The following MBNL1 variants were observed in gnomAD, a reference collection of about 807,000 sequenced individuals.
The protein encoded by MBNL1 is muscleblind like splicing regulator 1, also known as muscleblind-like protein 1.
MBNL1 carries 8 observed loss-of-function variants against 42.2 expected under a neutral mutation model. The observed-to-expected ratio is 0.19, with a 90% CI of 0.11 to 0.34. MBNL1 has a LOEUF of 0.34. Ranked by LOEUF, MBNL1 falls within the 10% of genes least tolerant of loss-of-function variation. MBNL1 has a pLI of 1.00. For missense variants in MBNL1, 309 were observed against 495.3 expected (o/e 0.62, Z 3.57); for synonymous variants, 169 against 173.9 (o/e 0.97, Z 0.22).
rs555916620 is a variant in MBNL1, at chr3:152,245,932, A to G, written n.333+1492A>G. ...CTTTATCACACACTAATTAAACACA[A>G]CTGCTTGTCAGGTCTAGGGGCTCAA... On this transcript the variant is annotated intron_variant and non_coding_transcript_variant, in intron 2 of 2. Transcript: ENST00000477171. 4.1e-4 allele frequency among the ~76,000 whole-genome samples: 63 copies of G among 152,240 alleles called. 1 individual carries two copies. The South Asian group carries it at 0.013, about 31-fold the overall frequency.
intron 2 of MBNL1, among the ~76,000 whole-genome samples, chr3:152,312,607 G>A (rs374125522): frequency 6.6e-6 from 1 of 152,120 alleles, no homozygotes; most frequent in Non-Finnish European, 1.5e-5. Flanking sequence ...CTTCTTATGG[G>A]AGGAACTTTG....
At chr3:152,330,745 T>C (rs1173699981) in intron 2 of MBNL1, among the ~76,000 whole-genome samples, 1 of 152,218 alleles carries the variant, frequency 6.6e-6, no homozygotes, top group African/African-American at 2.4e-5. Flanking sequence ...TTTATTACAG[T>C]ATAATTGTTC....
intron 2 of MBNL1, among the ~76,000 whole-genome samples, chr3:152,246,080 T>C (rs2032933327): frequency 6.6e-6 from 1 of 152,134 alleles, no homozygotes; most frequent in Admixed American, 6.6e-5. Context: ...CCAGATTCTG[T>C]CTCTAAAAAT....
At chr3:152,363,121 T>C (rs2096104223) in intron 2 of MBNL1, among the ~76,000 whole-genome samples, 1 of 152,328 alleles carries the variant, frequency 6.6e-6, no homozygotes, top group Non-Finnish European at 1.5e-5. Flanking sequence ...AAGAACATCA[T>C]CAGAAGATTA....
intron 2 of MBNL1, among the ~76,000 whole-genome samples, chr3:152,408,577 T>C (rs1463065521): frequency 1.3e-5 from 2 of 152,052 alleles, no homozygotes; most frequent in Non-Finnish European, 2.9e-5. Flanking sequence ...TGCATAATTA[T>C]ACACTGTTAT....
chr3:152,434,221 A>G (rs1457857536), intron 4 of MBNL1, among the ~76,000 whole-genome samples: 1 of 152,174 alleles, frequency 6.6e-6, no homozygotes, highest in African/African-American at 2.4e-5. Context: ...ACCCTCAAAT[A>G]GGCCCTAACA....
In MBNL1 at chr3:152,442,277, A is replaced by G. The variant is rs548553863; in HGVS notation, c.550-3005A>G. On this transcript the variant is annotated intron_variant, in intron 4 of 9. Transcript: ENST00000324210. ...AAGAGTTACCTGTATTATGTACACT[A>G]TTTGATGAAATTTGATGCAGCCATC... Among the ~76,000 whole-genome samples, 4 of 152,338 alleles carry G rather than the reference A, an allele frequency of 2.6e-5. No individual in the cohort carries two copies. The East Asian group carries it at 5.8e-4, about 22-fold the overall frequency.
At chr3:152,383,618 T>A (rs933574612) in intron 2 of MBNL1, among the ~76,000 whole-genome samples, 6 of 152,060 alleles carry the variant, frequency 3.9e-5, no homozygotes, top group African/African-American at 1.4e-4. Context: ...TCCATGGAGC[T>A]TTTTCCCAAG....
chr3:152,409,611 T>A (rs1237784628), intron 2 of MBNL1, among the ~76,000 whole-genome samples: 3 of 152,202 alleles, frequency 2.0e-5, no homozygotes, highest in African/African-American at 7.2e-5. Context: ...AAATCTTGGT[T>A]TTAACAATTT....
chr3:152,296,108 G>A (rs1335040997), intron 1 of MBNL1, among the ~76,000 whole-genome samples: 2 of 152,182 alleles, frequency 1.3e-5, no homozygotes, highest in Admixed American at 1.3e-4. Flanking sequence ...AAAGGAAGAA[G>A]CAGAAAAACA....
At chr3:152,267,661 A>G (rs1360059118), upstream of MBNL1, 1 of 152,220 alleles carries the variant, frequency 6.6e-6, no homozygotes, top group African/African-American at 2.4e-5. Context: ...AAGAGGCACC[A>G]TTTAATTAAT....
In MBNL1 at chr3:152,465,190, T is replaced by C. The variant is rs1749856358; in HGVS notation, c.*2824T>C. On this transcript the variant is annotated 3_prime_UTR_variant, in exon 10 of 10. Coordinates refer to ENST00000324210, the MANE Select transcript of MBNL1 (RefSeq NM_021038.5). ...TTACATTTTTCAAAACTACTGCATG[T>C]TTAAAACTTCAACAAAAAAAGAGAG... 1 of 152,154 alleles carries C rather than the reference T, an allele frequency of 6.6e-6. No homozygotes were observed. 9.4% of individuals were successfully genotyped at this position (152,154 alleles called of 1,614,324 possible). A position where few individuals can be genotyped will look rare whatever the true frequency, so the allele number is the denominator to read the frequency against.
At chr3:152,350,924 G>A (rs764787039) in intron 2 of MBNL1, among the ~76,000 whole-genome samples, 3 of 152,066 alleles carry the variant, frequency 2.0e-5, no homozygotes, top group African/African-American at 7.2e-5. Flanking sequence ...GGTAACCCCC[G>A]AAGTCAGTGC....
intron 2 of MBNL1, among the ~76,000 whole-genome samples, chr3:152,310,453 TTAAA>T (rs2065704880): frequency 6.6e-6 from 1 of 152,222 alleles, no homozygotes; most frequent in Non-Finnish European, 1.5e-5. Context: ...TTTAACTTGT[TTAAA>T]TAGCAAGATT....
At chr3:152,320,039 C>T (rs975515208) in intron 2 of MBNL1, among the ~76,000 whole-genome samples, 2 of 152,022 alleles carry the variant, frequency 1.3e-5, no homozygotes, top group Non-Finnish European at 2.9e-5. Flanking sequence ...TTTCTAACCC[C>T]CACTAGTTTA....
chr3:152,458,750 A>G (rs1293790862), intron 8 of MBNL1: 1 of 153,760 alleles, frequency 6.5e-6, no homozygotes, highest in East Asian at 1.9e-4. Context: ...GGATTCAGAA[A>G]TATGTTCTGA....
intron 2 of MBNL1, among the ~76,000 whole-genome samples, chr3:152,260,397 C>A (rs323623): frequency 0.57 from 87,261 of 151,994 alleles, 26,147 homozygotes; most frequent in Non-Finnish European, 0.66. Flanking sequence ...AGATGTCTAG[C>A]ATTATCTTCA....
At chr3:152,401,840 A>G (rs1350661384) in intron 2 of MBNL1, among the ~76,000 whole-genome samples, 2 of 152,064 alleles carry the variant, frequency 1.3e-5, no homozygotes, top group East Asian at 3.9e-4. Flanking sequence ...CCTGGCTAAC[A>G]CATCCTGGTG....
intron 2 of MBNL1, among the ~76,000 whole-genome samples, chr3:152,393,101 A>G (rs2097786376): frequency 6.6e-6 from 1 of 152,174 alleles, no homozygotes; most frequent in Non-Finnish European, 1.5e-5. Flanking sequence ...TTACATAAAC[A>G]TCTCTGTTCT....
Sources: allele counts gnomAD v4.1 joint callset (sites outside exome capture counted in the v4.1 genomes callset), GRCh38; gene constraint gnomAD v4.1.1; transcripts MANE v1.5; gene names NCBI Gene and HGNC (gene_info 2026-07-23, HGNC 2026-07-21).